The following NEK7 variants were observed in gnomAD, a reference collection of about 807,000 sequenced individuals.
NEK7 encodes the protein NIMA related kinase 7.
A neutral mutation model predicts 44.6 loss-of-function variants in NEK7; 18 were observed. The ratio of observed to expected loss-of-function variants is 0.40; its 90% CI spans 0.28 to 0.60. The LOEUF (loss-of-function observed/expected upper bound fraction) is 0.60, where lower values mean the gene tolerates loss of function less well. Ranked by LOEUF, NEK7 falls within the 20% of genes least tolerant of loss-of-function variation. NEK7 has a pLI of 0.38. For synonymous variants in NEK7, 130 were observed against 121.1 expected (o/e 1.07, Z -0.48); for missense variants, 256 against 366.5 (o/e 0.70, Z 2.46).
intron 2 of NEK7, chr1:198,245,102 A>G: frequency 6.0e-6 from 1 of 165,872 alleles, no homozygotes. Flanking sequence ...TTAATAAGAA[A>G]ATCATAAGGA....
rs1367474757 is a variant in NEK7 at position 198,313,042 on chromosome 1, T to TA, written c.799-6367dup. On this transcript the variant is annotated intron_variant, in intron 9 of 9. Transcript: ENST00000367385. ...CTGTCTAATGTTGACAGTGGGGTGT[T>TA]AAAGTCTCCCATTATTAATGTGTGG... 3.9e-5 allele frequency among the ~76,000 whole-genome samples: 6 copies of TA among 151,994 alleles called. No homozygotes were observed. The East Asian group carries it at 1.2e-3, about 29-fold the overall frequency.
chr1:198,216,689 C>A (rs1665931206), intron 1 of NEK7, among the ~76,000 whole-genome samples: 1 of 151,750 alleles, frequency 6.6e-6, no homozygotes, highest in African/African-American at 2.4e-5. Context: ...AGGCCACTAG[C>A]TAGATTAACC....
At chr1:198,304,053 T>A (rs1409383470) in intron 9 of NEK7, among the ~76,000 whole-genome samples, 1 of 152,182 alleles carries the variant, frequency 6.6e-6, no homozygotes, top group Non-Finnish European at 1.5e-5. Context: ...AAGCTTTGAA[T>A]GTTCTATTTT....
intron 5 of NEK7, among the ~76,000 whole-genome samples, chr1:198,267,823 T>A (rs930887369): frequency 2.6e-5 from 4 of 152,040 alleles, no homozygotes; most frequent in African/African-American, 9.7e-5. Flanking sequence ...GCCTTTTCCT[T>A]CAATTACTAC....
chr1:198,306,006 G>T (rs1017672820), intron 9 of NEK7, among the ~76,000 whole-genome samples: 24 of 152,094 alleles, frequency 1.6e-4, no homozygotes, highest in African/African-American at 5.3e-4. Context: ...AAAAGCTTGG[G>T]CGCTGGAGCT....
chr1:198,203,591 A>G (rs1478941841), intron 1 of NEK7, among the ~76,000 whole-genome samples: 1 of 152,240 alleles, frequency 6.6e-6, no homozygotes, highest in Non-Finnish European at 1.5e-5. Context: ...GACTCAGACA[A>G]TCTTACTGAA....
At chr1:198,315,366 T>A (rs2103044030) in intron 9 of NEK7, among the ~76,000 whole-genome samples, 1 of 152,268 alleles carries the variant, frequency 6.6e-6, no homozygotes, top group Non-Finnish European at 1.5e-5. Context: ...ACCCGGTACC[T>A]CAGATGGAAA....
chr1:198,315,391 G>A (rs1353541751), intron 9 of NEK7, among the ~76,000 whole-genome samples: 3 of 152,176 alleles, frequency 2.0e-5, no homozygotes, highest in Admixed American at 1.3e-4. Flanking sequence ...GAAATCACCC[G>A]TCTTCTGCGT....
At chr1:198,223,613 A>G (rs1238323015) in intron 1 of NEK7, among the ~76,000 whole-genome samples, 1 of 152,236 alleles carries the variant, frequency 6.6e-6, no homozygotes, top group Non-Finnish European at 1.5e-5. Context: ...GCAAGACAAT[A>G]TTCAGACAGG....
chr1:198,276,427 C>T (rs763980714), intron 5 of NEK7, among the ~76,000 whole-genome samples: 3 of 151,606 alleles, frequency 2.0e-5, no homozygotes, highest in Non-Finnish European at 3.0e-5. Context: ...AGGGAGAGCA[C>T]ATATACAGGG....
At chr1:198,232,238 T>G (rs1320680122) in intron 1 of NEK7, among the ~76,000 whole-genome samples, 1 of 152,156 alleles carries the variant, frequency 6.6e-6, no homozygotes. Flanking sequence ...TTACTTAGCT[T>G]CTCATAGTGG....
chr1:198,253,056 A>T lies in NEK7; in HGVS notation c.74A>T (p.Asp25Val). 1 of 1,610,472 alleles carries T rather than the reference A, an allele frequency of 6.2e-7. No individual in the cohort carries two copies. Among genetic ancestry groups the T allele is most frequent in the Non-Finnish European group, 8.5e-7 (1 of 1,178,048 alleles). ...TAATTACAGAAGGCCTTACGACCGG[A>T]TATGGGCTATAATACATTAGCCAAC... ...QFQPQKALRP[D>V]MGYNTLANFR... The change falls in exon 3 of 10, where the codon GAT becomes GTT. Residue 25 changes from aspartate (D) to valine (V), a missense_variant. Asp to Val is a radical substitution (Grantham distance 152). Transcript: ENST00000367385.
intron 1 of NEK7, among the ~76,000 whole-genome samples, chr1:198,170,083 G>T (rs1017832735): frequency 4.6e-5 from 7 of 152,134 alleles, no homozygotes; most frequent in South Asian, 2.1e-4. Context: ...CACAGAACAT[G>T]GTATGAAGGA....
chr1:198,209,093 A>T (rs1665689605), intron 1 of NEK7, among the ~76,000 whole-genome samples: 1 of 140,302 alleles, frequency 7.1e-6, no homozygotes, highest in South Asian at 2.5e-4. Flanking sequence ...ATATATACAC[A>T]CATATGTACA....
intron 8 of NEK7, among the ~76,000 whole-genome samples, chr1:198,296,466 G>C (rs146653423): frequency 6.6e-6 from 1 of 152,044 alleles, no homozygotes. Flanking sequence ...CCTTTGGGTC[G>C]TGTTTTTCTG....
At chr1:198,158,501 A>G (rs1292083834) in intron 1 of NEK7, among the ~76,000 whole-genome samples, 1 of 152,312 alleles carries the variant, frequency 6.6e-6, no homozygotes, top group Non-Finnish European at 1.5e-5. Flanking sequence ...AGTACAGAGT[A>G]TGTGTATTAT....
chr1:198,180,367 A>T (rs1022491481), intron 1 of NEK7, among the ~76,000 whole-genome samples: 2 of 152,006 alleles, frequency 1.3e-5, no homozygotes, highest in African/African-American at 4.8e-5. Flanking sequence ...GTGTGCTGAG[A>T]CCTGTTGTTT....
At chr1:198,188,799 A>G (rs1664988458) in intron 1 of NEK7, among the ~76,000 whole-genome samples, 1 of 152,202 alleles carries the variant, frequency 6.6e-6, no homozygotes, top group African/African-American at 2.4e-5. Context: ...AAACACTTGT[A>G]TAATTTATGT....
intron 4 of NEK7, among the ~76,000 whole-genome samples, chr1:198,263,204 A>G (rs1030087119): frequency 1.3e-5 from 2 of 151,860 alleles, no homozygotes; most frequent in African/African-American, 4.8e-5. Context: ...CCTATGTTGT[A>G]TTTTTAACTT....
Sources: allele counts gnomAD v4.1 joint callset (sites outside exome capture counted in the v4.1 genomes callset), GRCh38; gene constraint gnomAD v4.1.1; transcripts MANE v1.5; gene names NCBI Gene and HGNC (gene_info 2026-07-23, HGNC 2026-07-21).